PCLO: variants seen among roughly 807,000 people sequenced by gnomAD.
PCLO encodes protein piccolo.
Under a neutral mutation model 427.5 loss-of-function variants are expected in PCLO, and 82 were observed. That is an observed-to-expected ratio of 0.19 (90% CI 0.16 to 0.23). The LOEUF is 0.23. PCLO is among the 10% of genes least tolerant of loss of function. The pLI is 1.00. For synonymous variants in PCLO, 2,357 were observed against 2,155.4 expected (o/e 1.09, Z -2.59); for missense variants, 6,239 against 6,115.9 (o/e 1.02, Z -0.67).
chr7:83,026,744 T>A lies in PCLO; in HGVS notation c.3301-60257A>T, dbSNP rs1170339816. Among the ~76,000 whole-genome samples the A allele has an allele frequency of 6.6e-5, 10 of 151,880 alleles. 1 individual carries two copies. The highest frequency in any genetic ancestry group is 3.9e-4 in the Admixed American group (6 of 15,246). On this transcript the variant is annotated intron_variant, in intron 3 of 24. Transcript: ENST00000333891. ...AGCAAATGTAAAAGAACACAAATTATAACAAACTGTCTCTCAGACCACAGT... is the reference window on the plus strand; with the variant it reads ...AGCAAATGTAAAAGAACACAAATTAAAACAAACTGTCTCTCAGACCACAGT...
chr7:83,038,399 ATC>A, intron 3 of PCLO, among the ~76,000 whole-genome samples: 1 of 151,492 alleles, frequency 6.6e-6, no homozygotes, highest in Admixed American at 6.6e-5. Flanking sequence ...ATCCTCCTTC[ATC>A]CCTAAGCAAC....
chr7:82,852,982 T>C (rs1424976183), intron 10 of PCLO, among the ~76,000 whole-genome samples: 1 of 152,106 alleles, frequency 6.6e-6, no homozygotes, highest in Non-Finnish European at 1.5e-5. Context: ...TTTTATTTTC[T>C]ATGACTGGCT....
chr7:82,898,548 A>G (rs1436403615), intron 9 of PCLO, among the ~76,000 whole-genome samples: 4 of 151,444 alleles, frequency 2.6e-5, no homozygotes, highest in Non-Finnish European at 5.9e-5. Flanking sequence ...AGGTTTATGT[A>G]ACCAAAATTA....
intron 20 of PCLO, chr7:82,821,994 G>T (rs902877872): frequency 2.0e-6 from 2 of 987,442 alleles, no homozygotes; most frequent in African/African-American, 3.5e-5. Context: ...CAAGGTTCTA[G>T]AAGTTGACTG....
intron 6 of PCLO, among the ~76,000 whole-genome samples, chr7:82,926,948 C>G (rs954384530): frequency 6.6e-6 from 1 of 152,076 alleles, no homozygotes; most frequent in Non-Finnish European, 1.5e-5. Flanking sequence ...AATCAGACGG[C>G]TATACTACAA....
intron 3 of PCLO, among the ~76,000 whole-genome samples, chr7:83,065,179 T>C (rs1274908785): frequency 6.6e-6 from 1 of 151,946 alleles, no homozygotes; most frequent in African/African-American, 2.4e-5. Context: ...TCTCCTTCCA[T>C]GGGGAGTAGG....
intron 22 of PCLO, among the ~76,000 whole-genome samples, chr7:82,768,359 G>A (rs1790576578): frequency 6.6e-6 from 1 of 151,432 alleles, no homozygotes; most frequent in South Asian, 2.1e-4. Flanking sequence ...GGAGGCAGAG[G>A]TTGTAGTGAG....
intron 3 of PCLO, among the ~76,000 whole-genome samples, chr7:83,076,086 C>T (rs1789943387): frequency 6.7e-6 from 1 of 150,272 alleles, no homozygotes. Flanking sequence ...CTCAGCATGC[C>T]TCTGCAGACC....
intron 3 of PCLO, among the ~76,000 whole-genome samples, chr7:83,042,880 C>T (rs1237324544): frequency 6.6e-6 from 1 of 151,864 alleles, no homozygotes; most frequent in African/African-American, 2.4e-5. Context: ...AACAAACAAA[C>T]AACAACAGCA....
chr7:82,949,796 T>C lies in PCLO; in HGVS notation c.10792A>G (p.Ile3598Val), dbSNP rs757140564. ...GCCCGGAGGTGAGATGAATAACCAA[T>C]CTCTAAAGGTGTTGGGCGTTTCTTG... Reference protein sequence around the residue: ...KDKKRPTPLEIGYSSHLRADS... With the variant: ...KDKKRPTPLEVGYSSHLRADS... The change falls in exon 6 of 25, where the codon ATT becomes GTT. Residue 3598 changes from isoleucine (I) to valine (V), a missense_variant. Physicochemically the swap from Ile to Val is conservative, Grantham distance 29. Transcript: ENST00000333891. 6.2e-7 allele frequency: 1 copy of C among 1,613,572 alleles called. No homozygotes were observed. Among genetic ancestry groups the C allele is most frequent in the Non-Finnish European group, 8.5e-7 (1 of 1,179,834 alleles).
rs1787822130 is a variant in PCLO at position 83,001,504 on chromosome 7, A to AG, written c.3301-35018_3301-35017insC. ...GCTTTGTTCACTCTAACACACATAC[A>AG]AACACACACACACACACACACACAC... On this transcript the variant is annotated intron_variant, in intron 3 of 24. Transcript: ENST00000333891. Among the ~76,000 whole-genome samples the AG allele has an allele frequency of 3.7e-5, 4 of 107,288 alleles. No homozygotes were observed. The East Asian group carries it at 1.7e-3, about 45-fold the overall frequency. The allele number at this position is 107,288 out of a possible 152,430, so 70.4% of individuals were successfully genotyped here.
intron 2 of PCLO, among the ~76,000 whole-genome samples, chr7:83,143,731 C>A (rs932081101): frequency 1.3e-5 from 2 of 151,552 alleles, no homozygotes; most frequent in Non-Finnish European, 2.9e-5. Flanking sequence ...GTATCCATAC[C>A]GTATCACAAT....
intron 21 of PCLO, among the ~76,000 whole-genome samples, chr7:82,803,112 C>T (rs752433913): frequency 6.6e-6 from 1 of 151,744 alleles, no homozygotes; most frequent in Non-Finnish European, 1.5e-5. Context: ...TATGTAATTG[C>T]TTCATCAAGA....
intron 6 of PCLO, among the ~76,000 whole-genome samples, chr7:82,930,605 T>C (rs1233076511): frequency 6.6e-6 from 1 of 152,166 alleles, no homozygotes; most frequent in Non-Finnish European, 1.5e-5. Context: ...AAAGAGGTTA[T>C]AATAGAATGC....
chr7:83,106,621 T>G (rs10234972), intron 3 of PCLO, among the ~76,000 whole-genome samples: 13,064 of 152,184 alleles, frequency 0.086, 1,128 homozygotes, highest in African/African-American at 0.23. Flanking sequence ...AAAAAGATCT[T>G]GCACAGCATT....
chr7:82,954,961 G>C lies in PCLO; in HGVS notation c.5992C>G (p.Gln1998Glu). The C allele has an allele frequency of 6.2e-7, 1 of 1,613,690 alleles. No individual in the cohort carries two copies. The highest frequency in any genetic ancestry group is 1.1e-5 in the South Asian group (1 of 91,072). Residue 1998 changes from glutamine (Q) to glutamate (E), a missense_variant, in exon 5 of 25, where the codon CAG becomes GAG. By Grantham distance (29) the Gln-to-Glu change is conservative (BLOSUM62 2). Transcript: ENST00000333891. ...GREQKIRLSEQIYEDPMQKIT... is the reference protein window; with the variant it reads ...GREQKIRLSEEIYEDPMQKIT... ...TTCTGCATAGGATCTTCATAAATCTGTTCTGAAAGTCTTATCTTTTGCTCT... is the reference window on the plus strand; with the variant it reads ...TTCTGCATAGGATCTTCATAAATCTCTTCTGAAAGTCTTATCTTTTGCTCT...
At chr7:83,128,670 G>A (rs1156906956) in intron 3 of PCLO, among the ~76,000 whole-genome samples, 3 of 152,088 alleles carry the variant, frequency 2.0e-5, no homozygotes, top group Non-Finnish European at 4.4e-5. Context: ...ATGAAACACT[G>A]AGATAGTTAT....
At chr7:83,142,723 C>G (rs1184024535) in intron 2 of PCLO, among the ~76,000 whole-genome samples, 1 of 152,126 alleles carries the variant, frequency 6.6e-6, no homozygotes, top group East Asian at 1.9e-4. Context: ...CTTTGGGAGG[C>G]CAAAGCAGGC....
chr7:82,897,037 C>T (rs1793921542), intron 9 of PCLO, among the ~76,000 whole-genome samples: 1 of 151,604 alleles, frequency 6.6e-6, no homozygotes, highest in Non-Finnish European at 1.5e-5. Context: ...AAAGGAGACT[C>T]ATTTTTTGAG....
Sources: gnomAD v4.1 joint callset for allele counts (sites outside exome capture counted in the v4.1 genomes callset) on GRCh38, gnomAD v4.1.1 for gene constraint, MANE v1.5 for transcripts, NCBI Gene and HGNC (gene_info 2026-07-23, HGNC 2026-07-21) for gene names.